EEFSEC: variants seen among roughly 807,000 people sequenced by gnomAD.
The protein encoded by EEFSEC is selenocysteine-specific elongation factor.
A neutral mutation model predicts 42.1 loss-of-function variants in EEFSEC; 43 were observed. That is an observed-to-expected ratio of 1.02 (90% CI 0.80 to 1.32). The LOEUF is 1.32. EEFSEC is among the 40% of genes most tolerant of loss of function. The pLI is 0.00. For missense variants in EEFSEC, 745 were observed against 803.6 expected, an observed-to-expected ratio of 0.93 and a Z score of 0.88; for synonymous variants, 354 against 339.1, an observed-to-expected ratio of 1.04 and a Z score of -0.48.
At chr3:128,177,280 G>A (rs1042198571) in intron 1 of EEFSEC, among the ~76,000 whole-genome samples, 3 of 151,978 alleles carry the variant, frequency 2.0e-5, no homozygotes, top group Admixed American at 1.3e-4. Context: ...TATTTTTAGG[G>A]TCTGAGCCAG....
chr3:128,240,677 T>G (rs2066060051), intron 1 of EEFSEC, among the ~76,000 whole-genome samples: 2 of 152,208 alleles, frequency 1.3e-5, no homozygotes. Context: ...TAAAACTGAT[T>G]TTCTCCTTGC....
At chr3:128,296,888 G>A (rs2066712264) in intron 4 of EEFSEC, among the ~76,000 whole-genome samples, 1 of 152,232 alleles carries the variant, frequency 6.6e-6, no homozygotes, top group Non-Finnish European at 1.5e-5. Context: ...GTGGGGTAGA[G>A]GAATTGTAGC....
At position 128,242,245 on chromosome 3, in the gene EEFSEC, G is replaced by C. The variant is rs528809472; in HGVS notation, c.317-4591G>C. On this transcript the variant is annotated intron_variant, in intron 1 of 6. Coordinates refer to ENST00000254730, the MANE Select transcript of EEFSEC (RefSeq NM_021937.5). ...AGGACAGGAGGATCGTTTGAGCCCA[G>C]GAATTCAAGGCTGCAGTGAGCTATG... Among the ~76,000 whole-genome samples the C allele has an allele frequency of 2.0e-3, 307 of 152,216 alleles. 5 individuals carry two copies. The highest frequency in any genetic ancestry group is 6.8e-3 in the African/African-American group (284 of 41,510).
chr3:128,187,769 G>A (rs1476154728), intron 1 of EEFSEC, among the ~76,000 whole-genome samples: 2 of 152,188 alleles, frequency 1.3e-5, no homozygotes, highest in African/African-American at 4.8e-5. Context: ...TCAGAGGTGC[G>A]AGTCAGGGAA....
chr3:128,193,571 T>A (rs1413070763), intron 1 of EEFSEC, among the ~76,000 whole-genome samples: 1 of 152,238 alleles, frequency 6.6e-6, no homozygotes, highest in African/African-American at 2.4e-5. Context: ...TTCTAAAATA[T>A]TATTTAAAAA....
intron 1 of EEFSEC, among the ~76,000 whole-genome samples, chr3:128,223,120 G>GT (rs1201530109): frequency 2.6e-5 from 4 of 152,180 alleles, no homozygotes; most frequent in African/African-American, 9.7e-5. Flanking sequence ...TGAAACCCCA[G>GT]TAAAAACTCT....
chr3:128,237,083 T>C (rs2066020462), intron 1 of EEFSEC, among the ~76,000 whole-genome samples: 1 of 152,236 alleles, frequency 6.6e-6, no homozygotes, highest in South Asian at 2.1e-4. Context: ...ACCATTTACA[T>C]TTTTGATTGG....
chr3:128,236,400 C>T (rs1372445910), intron 1 of EEFSEC, among the ~76,000 whole-genome samples: 1 of 152,210 alleles, frequency 6.6e-6, no homozygotes, highest in Non-Finnish European at 1.5e-5. Flanking sequence ...GACTTAATTT[C>T]CTCATCTGTA....
At position 128,401,882 on chromosome 3, in the gene EEFSEC, C is replaced by T. The variant is rs569869361; in HGVS notation, c.1601-6187C>T. Among the ~76,000 whole-genome samples, 4 of 152,320 alleles carry T rather than the reference C, an allele frequency of 2.6e-5. No individual in the cohort carries two copies. In the East Asian group the frequency reaches 7.7e-4, roughly 29 times the overall value. Reference sequence around the variant, plus strand: ...CCAGCAGCCATGGAGGAGTCATGAGCATCACCACCCCTACCTTACCTCTTG... The same window carrying T: ...CCAGCAGCCATGGAGGAGTCATGAGTATCACCACCCCTACCTTACCTCTTG... On this transcript the variant is annotated intron_variant, in intron 6 of 6. Transcript: ENST00000254730.
downstream of EEFSEC, among the ~76,000 whole-genome samples, chr3:128,411,923 C>T (rs532359875): frequency 9.9e-5 from 15 of 152,224 alleles, no homozygotes; most frequent in Non-Finnish European, 1.8e-4. Flanking sequence ...CCTGTGCTGA[C>T]GTCTGGGTGT....
At chr3:128,265,869 A>T (rs1474517548) in intron 4 of EEFSEC, among the ~76,000 whole-genome samples, 1 of 152,252 alleles carries the variant, frequency 6.6e-6, no homozygotes, top group Admixed American at 6.5e-5. Context: ...ATATGTAGAT[A>T]TCTGTATCTC....
In EEFSEC at chr3:128,195,447, T is replaced by C. The variant is rs147866321; in HGVS notation, c.316+41624T>C. Among the ~76,000 whole-genome samples the C allele has an allele frequency of 4.4e-3, 677 of 152,288 alleles. 4 individuals carry two copies. Among genetic ancestry groups the C allele is most frequent in the African/African-American group, 0.014 (595 of 41,578 alleles). On this transcript the variant is annotated intron_variant, in intron 1 of 6. Transcript: ENST00000254730. ...TTGTCTCATAATAGAAAACCAGGCC[T>C]GTGTCTGCAGCTGAGCACAGTATTT...
At chr3:128,202,240 A>G (rs1448039194) in intron 1 of EEFSEC, among the ~76,000 whole-genome samples, 1 of 152,230 alleles carries the variant, frequency 6.6e-6, no homozygotes, top group Non-Finnish European at 1.5e-5. Flanking sequence ...TCCTGGGATT[A>G]TGATTGGGAT....
At chr3:128,385,258 G>A (rs557570496) in intron 6 of EEFSEC, among the ~76,000 whole-genome samples, 79 of 152,300 alleles carry the variant, frequency 5.2e-4, no homozygotes, top group African/African-American at 1.9e-3. Context: ...TTCAGAGCTG[G>A]CCACAGGGGC....
intron 1 of EEFSEC, among the ~76,000 whole-genome samples, chr3:128,220,397 AG>A (rs1236016954): frequency 1.3e-5 from 2 of 152,214 alleles, no homozygotes; most frequent in Non-Finnish European, 2.9e-5. Flanking sequence ...CTGATACCAA[AG>A]CCCCAGCACA....
chr3:128,370,282 CT>C (rs2067638654), intron 6 of EEFSEC, among the ~76,000 whole-genome samples: 1 of 152,146 alleles, frequency 6.6e-6, no homozygotes, highest in Non-Finnish European at 1.5e-5. Context: ...GGTTTGACCA[CT>C]AGTGAAGGTG....
intron 5 of EEFSEC, among the ~76,000 whole-genome samples, chr3:128,347,787 CAGT>C (rs1458283932): frequency 6.6e-6 from 1 of 152,028 alleles, no homozygotes; most frequent in Non-Finnish European, 1.5e-5. Context: ...AAAAATAAAA[CAGT>C]AGAAACCTAG....
chr3:128,206,646 A>G lies in EEFSEC; in HGVS notation c.317-40190A>G, dbSNP rs572075222. On this transcript the variant is annotated intron_variant, in intron 1 of 6. Transcript: ENST00000254730. ...TGTGAAGAGGTGAAAACCTTTTGAT[A>G]TGAGAGAAAGAGGGTAGATATAATA... 9.2e-5 allele frequency among the ~76,000 whole-genome samples: 14 copies of G among 152,328 alleles called. No individual in the cohort carries two copies. In the South Asian group the frequency reaches 2.9e-3, roughly 32 times the overall value.
intron 1 of EEFSEC, among the ~76,000 whole-genome samples, chr3:128,221,658 G>A (rs911910665): frequency 3.3e-5 from 5 of 152,256 alleles, no homozygotes; most frequent in Non-Finnish European, 4.4e-5. Flanking sequence ...AGAAAACAAC[G>A]TTTGCTGAAG....
Sources: gnomAD v4.1 joint callset for allele counts (sites outside exome capture counted in the v4.1 genomes callset) on GRCh38, gnomAD v4.1.1 for gene constraint, MANE v1.5 for transcripts, NCBI Gene and HGNC (gene_info 2026-07-23, HGNC 2026-07-21) for gene names.